Variants in OPHN1 observed in about 807,000 individuals in gnomAD.
OPHN1 encodes oligophrenin 1.
In OPHN1, 11 loss-of-function variants were observed where a neutral mutation model predicts 60.7. That is an observed-to-expected ratio of 0.18 (90% CI 0.11 to 0.30). The LOEUF is 0.30. Among genes scored for constraint, OPHN1 ranks in the 10% least tolerant of loss-of-function variants. OPHN1 has a pLI of 1.00. For synonymous variants in OPHN1, 226 were observed against 222.6 expected, an observed-to-expected ratio of 1.02 and a Z score of -0.14; for missense variants, 449 against 611.0, an observed-to-expected ratio of 0.73 and a Z score of 2.80.
intron 2 of OPHN1, among the ~76,000 whole-genome samples, chrX:68,391,270 T>C (rs2078652229): frequency 8.9e-6 from 1 of 111,851 alleles, no homozygotes; most frequent in South Asian, 3.8e-4. Context: ...TAAGGAAATA[T>C]ATAAAAAATA....
chrX:68,291,346 A>T (rs972171039), intron 3 of OPHN1, among the ~76,000 whole-genome samples: 1 of 112,207 alleles, frequency 8.9e-6, no homozygotes. Flanking sequence ...TAGATCTCTC[A>T]ACAAATAGGA....
At chrX:68,059,214 C>T (rs2076884321) in intron 21 of OPHN1, among the ~76,000 whole-genome samples, 1 of 112,046 alleles carries the variant, frequency 8.9e-6, no homozygotes, top group Non-Finnish European at 1.9e-5. Context: ...CAAGCCCCAC[C>T]TGTTCCCTCT....
chrX:68,267,468 C>A (rs1379046776), intron 5 of OPHN1, among the ~76,000 whole-genome samples: 5 of 112,111 alleles, frequency 4.5e-5, no homozygotes, highest in African/African-American at 1.6e-4. Flanking sequence ...TAAAGATGTT[C>A]TTTGAAACCA....
At chrX:68,076,572 AG>A (rs1175607470) in intron 19 of OPHN1, among the ~76,000 whole-genome samples, 1 of 112,101 alleles carries the variant, frequency 8.9e-6, no homozygotes, top group African/African-American at 3.2e-5. Context: ...AGTCTCTTCC[AG>A]AAAGTACAAT....
At chrX:68,277,741 A>G (rs1389602324) in intron 4 of OPHN1, among the ~76,000 whole-genome samples, 1 of 111,984 alleles carries the variant, frequency 8.9e-6, no homozygotes, top group Non-Finnish European at 1.9e-5. Context: ...CAGTGAGCCA[A>G]GACTGTGCCA....
rs7054905 is a variant in OPHN1 at position 68,128,785 on chromosome X, A to G, written c.1277-9453T>C. ...ATGAGTGAAACATTTTTTAAACAGAATAATTATGGAAGGTTTGTGCTACTC... is the reference window on the plus strand; with the variant it reads ...ATGAGTGAAACATTTTTTAAACAGAGTAATTATGGAAGGTTTGTGCTACTC... On this transcript the variant is annotated intron_variant, in intron 15 of 24. Transcript: ENST00000355520. 3.3e-3 allele frequency among the ~76,000 whole-genome samples: 375 copies of G among 112,390 alleles called. 3 individuals are homozygous for G. Among genetic ancestry groups the G allele is most frequent in the African/African-American group, 0.012 (364 of 30,988 alleles).
At chrX:68,323,479 C>A (rs1486641167) in intron 2 of OPHN1, among the ~76,000 whole-genome samples, 1 of 111,749 alleles carries the variant, frequency 8.9e-6, no homozygotes, top group African/African-American at 3.2e-5. Context: ...TTATTTGTAT[C>A]GTTAGCATTT....
Position 68,056,562 on chromosome X carries a change from C to A in OPHN1, c.2159-2752G>T, listed in dbSNP as rs1265910301. On this transcript the variant is annotated intron_variant, in intron 21 of 24. Coordinates refer to ENST00000355520, the MANE Select transcript of OPHN1 (RefSeq NM_002547.3). Reference sequence around the variant, plus strand: ...GTTCTGGACATGTCATTCCCCTTAACATCAGACTGGGTATACAGCATTGCA... The same window carrying A: ...GTTCTGGACATGTCATTCCCCTTAAAATCAGACTGGGTATACAGCATTGCA... Among the ~76,000 whole-genome samples, 3 of 111,344 alleles carry A rather than the reference C, an allele frequency of 2.7e-5. No homozygotes were observed. In the Admixed American group the frequency reaches 2.9e-4, roughly 11 times the overall value.
rs550874496 is a variant in OPHN1, at chrX:68,222,017, G to A, written c.487-8045C>T. On this transcript the variant is annotated intron_variant, in intron 6 of 24. Coordinates refer to ENST00000355520, the MANE Select transcript of OPHN1 (RefSeq NM_002547.3). ...ACCTACAAAATGGGAGAAAATTTTC[G>A]CAACCTACTCATCTGACAAAGGGCT... Among the ~76,000 whole-genome samples, 280 of 107,635 alleles carry A rather than the reference G, an allele frequency of 2.6e-3. 4 individuals are homozygous for A. Among genetic ancestry groups the A allele is most frequent in the African/African-American group, 8.9e-3 (262 of 29,504 alleles). 93.5% of individuals were successfully genotyped at this position (107,635 alleles called of 115,157 possible). A position where few individuals can be genotyped will look rare whatever the true frequency, so the allele number is the denominator to read the frequency against.
intron 2 of OPHN1, among the ~76,000 whole-genome samples, chrX:68,353,865 A>C (rs192984814): frequency 9.0e-6 from 1 of 111,662 alleles, no homozygotes; most frequent in Non-Finnish European, 1.9e-5. Context: ...TTCCTAAAAT[A>C]TAATATTGTA....
intron 2 of OPHN1, among the ~76,000 whole-genome samples, chrX:68,324,796 C>A: frequency 9.2e-6 from 1 of 108,939 alleles, no homozygotes; most frequent in Non-Finnish European, 1.9e-5. Flanking sequence ...AATCCCAACA[C>A]TTTGGGAGGC....
At position 68,200,189 on chromosome X, in the gene OPHN1, G is replaced by C. The variant is rs144442246; in HGVS notation, c.1025+1430C>G. Reference sequence around the variant, plus strand: ...CTCAGTTTCCTCACTGGTAAAATGGGGGGGGTGTAGATTAAATGAGGGAAT... The same window carrying C: ...CTCAGTTTCCTCACTGGTAAAATGGCGGGGGTGTAGATTAAATGAGGGAAT... On this transcript the variant is annotated intron_variant, in intron 11 of 24. Transcript: ENST00000355520. Among the ~76,000 whole-genome samples the C allele has an allele frequency of 3.2e-3, 362 of 111,796 alleles. 1 individual carries two copies. Among genetic ancestry groups the C allele is most frequent in the Non-Finnish European group, 5.6e-3 (296 of 53,184 alleles).
chrX:68,304,025 T>C (rs1048072156), intron 2 of OPHN1, among the ~76,000 whole-genome samples: 1 of 111,705 alleles, frequency 9.0e-6, no homozygotes, highest in African/African-American at 3.3e-5. Context: ...GCAGTGTGAC[T>C]ATAGTTAACA....
intron 2 of OPHN1, among the ~76,000 whole-genome samples, chrX:68,403,603 A>C (rs1316129158): frequency 9.0e-6 from 1 of 110,985 alleles, no homozygotes; most frequent in East Asian, 2.8e-4. Context: ...GTGTTCAGCA[A>C]CTAAATCAAA....
intron 6 of OPHN1, among the ~76,000 whole-genome samples, chrX:68,226,229 G>A (rs960841838): frequency 1.8e-5 from 2 of 111,785 alleles, no homozygotes; most frequent in Non-Finnish European, 1.9e-5. Flanking sequence ...ATGGGACTAT[G>A]GGAAAAGACC....
At chrX:68,245,834 A>T (rs1009715961) in intron 5 of OPHN1, among the ~76,000 whole-genome samples, 1 of 111,188 alleles carries the variant, frequency 9.0e-6, no homozygotes, top group East Asian at 2.8e-4. Flanking sequence ...TTGGAGTTTC[A>T]CTCTTGTCAC....
At chrX:68,109,374 A>G (rs1179287442) in intron 18 of OPHN1, among the ~76,000 whole-genome samples, 1 of 111,774 alleles carries the variant, frequency 8.9e-6, no homozygotes, top group Non-Finnish European at 1.9e-5. Flanking sequence ...ATGGCTGAAT[A>G]ATATTCCATT....
At chrX:68,433,560 G>T (rs1346262769), upstream of OPHN1, 1 of 290,865 alleles carries the variant, frequency 3.4e-6, no homozygotes, top group African/African-American at 2.7e-5. Context: ...CAACGCCTGC[G>T]CCCCGCCCCA....
intron 19 of OPHN1, among the ~76,000 whole-genome samples, chrX:68,086,191 A>G (rs1361727534): frequency 1.8e-5 from 2 of 109,831 alleles, no homozygotes; most frequent in African/African-American, 6.6e-5. Context: ...CAAAAAAAAA[A>G]AAGCAGAAAT....
Sources: allele counts gnomAD v4.1 joint callset (sites outside exome capture counted in the v4.1 genomes callset), GRCh38; gene constraint gnomAD v4.1.1; transcripts MANE v1.5; gene names NCBI Gene and HGNC (gene_info 2026-07-23, HGNC 2026-07-21).